Variants in GGA2 observed in about 807,000 individuals in gnomAD.
The protein encoded by GGA2 is ADP-ribosylation factor-binding protein GGA2.
GGA2 carries 48 observed loss-of-function variants against 79.5 expected under a neutral mutation model. That is an observed-to-expected ratio of 0.60 (90% CI 0.48 to 0.77). The LOEUF (loss-of-function observed/expected upper bound fraction) is 0.77, where lower values mean the gene tolerates loss of function less well. Among genes scored for constraint, GGA2 ranks in the 30% least tolerant of loss-of-function variants. The pLI is 0.00. For synonymous variants in GGA2, 317 were observed against 302.0 expected (o/e 1.05, Z -0.51); for missense variants, 770 against 774.0 (o/e 0.99, Z 0.06).
At chr16:23,484,439 C>T (rs1383925868) in intron 8 of GGA2, among the ~76,000 whole-genome samples, 1 of 151,954 alleles carries the variant, frequency 6.6e-6, no homozygotes, top group Non-Finnish European at 1.5e-5. Context: ...CAAAACAAAA[C>T]TCCCGCTTCA....
chr16:23,482,174 G>A (rs966979651), intron 9 of GGA2, among the ~76,000 whole-genome samples: 1 of 152,200 alleles, frequency 6.6e-6, no homozygotes. Flanking sequence ...TGAGGAAGGA[G>A]AATGGCTTGA....
intron 4 of GGA2, among the ~76,000 whole-genome samples, chr16:23,492,019 T>C (rs1465186341): frequency 2.0e-5 from 3 of 152,162 alleles, no homozygotes; most frequent in East Asian, 1.9e-4. Flanking sequence ...AACCCCACCA[T>C]GCAAGAGCCT....
intron 1 of GGA2, among the ~76,000 whole-genome samples, chr16:23,502,660 C>T (rs1170660162): frequency 6.6e-6 from 1 of 152,192 alleles, no homozygotes; most frequent in East Asian, 1.9e-4. Flanking sequence ...AGAGGAGCAG[C>T]GGTTCTCACG....
Position 23,486,155 on chromosome 16 carries a change from T to C in GGA2, c.661-3A>G, listed in dbSNP as rs1338074602. 2 of 1,613,384 alleles carry C rather than the reference T, an allele frequency of 1.2e-6. No homozygotes were observed. The highest frequency in any genetic ancestry group is 1.7e-6 in the Non-Finnish European group (2 of 1,179,668). On this transcript the variant is annotated splice_region_variant and splice_polypyrimidine_tract_variant and intron_variant, in intron 7 of 16. Coordinates refer to ENST00000309859, the MANE Select transcript of GGA2 (RefSeq NM_015044.4). The stretch of plus-strand genomic sequence containing the variant: ...ACCTTCTCCGATTTTTCTTGTTCCT[T>C]TTGGGAAAAAGAGGAGGATGGGAGT...
chr16:23,479,033 G>T, intron 11 of GGA2, 122 bp from the exon 12 acceptor site: 1 of 724,180 alleles, frequency 1.4e-6, no homozygotes. Context: ...GCAACTTACT[G>T]AAGGTCATGT....
intron 5 of GGA2, among the ~76,000 whole-genome samples, chr16:23,489,074 G>A (rs1393702163): frequency 6.6e-6 from 1 of 152,152 alleles, no homozygotes; most frequent in Non-Finnish European, 1.5e-5. Context: ...CTGAGTGTAT[G>A]TGACAGGGAA....
intron 5 of GGA2, among the ~76,000 whole-genome samples, chr16:23,489,390 A>G (rs1210251087): frequency 2.6e-5 from 4 of 152,184 alleles, no homozygotes; most frequent in Non-Finnish European, 5.9e-5. Context: ...GGGCACCACC[A>G]CACCCAGGTA....
intron 1 of GGA2, among the ~76,000 whole-genome samples, chr16:23,497,208 C>G (rs1186742619): frequency 6.6e-6 from 1 of 152,106 alleles, no homozygotes; most frequent in Non-Finnish European, 1.5e-5. Flanking sequence ...TCTGACAGAG[C>G]AGCTCTTTTA....
intron 1 of GGA2, among the ~76,000 whole-genome samples, chr16:23,498,228 T>C (rs2142137267): frequency 6.6e-6 from 1 of 151,060 alleles, no homozygotes; most frequent in Non-Finnish European, 1.5e-5. Flanking sequence ...TGCAGTGAGC[T>C]GAGATCGTGA....
chr16:23,520,379 G>T (rs943696446), intron 1 of GGA2, among the ~76,000 whole-genome samples: 2 of 152,008 alleles, frequency 1.3e-5, no homozygotes, highest in African/African-American at 4.8e-5. Context: ...AGTCACATGT[G>T]AATAAGGGGC....
chr16:23,518,412 C>T (rs1437479457), intron 2 of GGA2, among the ~76,000 whole-genome samples: 1 of 152,046 alleles, frequency 6.6e-6, no homozygotes, highest in Non-Finnish European at 1.5e-5. Context: ...GGGGTTTCAC[C>T]ATGTTGCCCA....
chr16:23,518,739 C>T (rs2142152891), intron 2 of GGA2, among the ~76,000 whole-genome samples: 1 of 152,242 alleles, frequency 6.6e-6, no homozygotes. Flanking sequence ...GCAGTTAGAC[C>T]AGCTGATGAG....
chr16:23,491,438 T>C (rs1402669660), intron 5 of GGA2, among the ~76,000 whole-genome samples: 3 of 151,852 alleles, frequency 2.0e-5, no homozygotes, highest in Non-Finnish European at 4.4e-5. Flanking sequence ...TTCCTATGAT[T>C]TCCAGGCAAC....
At chr16:23,483,767 C>G (rs972418077) in intron 8 of GGA2, among the ~76,000 whole-genome samples, 2 of 151,970 alleles carry the variant, frequency 1.3e-5, no homozygotes, top group Non-Finnish European at 2.9e-5. Flanking sequence ...CCTGCCTCAG[C>G]CTCCTGAGTA....
chr16:23,520,783 T>G (rs1965135774), intron 1 of GGA2, among the ~76,000 whole-genome samples: 1 of 152,106 alleles, frequency 6.6e-6, no homozygotes, highest in African/African-American at 2.4e-5. Context: ...TTTATTAATT[T>G]CGCTTTTTTA....
At chr16:23,512,711 T>C (rs1965080313), upstream of GGA2, among the ~76,000 whole-genome samples, 1 of 134,308 alleles carries the variant, frequency 7.4e-6, no homozygotes, top group South Asian at 2.6e-4. Flanking sequence ...TTTTTTTTTT[T>C]TTTTTTTTTT....
intron 1 of GGA2, among the ~76,000 whole-genome samples, chr16:23,509,823 G>A (rs903726405): frequency 3.3e-5 from 5 of 150,742 alleles, no homozygotes; most frequent in Non-Finnish European, 5.9e-5. Context: ...AAACACAAAA[G>A]GTAAAAAATT....
At chr16:23,490,086 C>T (rs1435640806) in intron 5 of GGA2, among the ~76,000 whole-genome samples, 1 of 152,148 alleles carries the variant, frequency 6.6e-6, no homozygotes, top group Admixed American at 6.5e-5. Flanking sequence ...TCTACTGCTA[C>T]GAGTGGCAAG....
chr16:23,467,323 G>A lies in GGA2; in HGVS notation c.*267C>T. The A allele has an allele frequency of 7.3e-6, 3 of 411,380 alleles. No homozygotes were observed. The highest frequency in any genetic ancestry group is 1.3e-5 in the Non-Finnish European group (3 of 226,358). The allele number at this position is 411,380 out of a possible 1,614,324, so 25.5% of individuals were successfully genotyped here. On this transcript the variant is annotated 3_prime_UTR_variant, in exon 17 of 17. Coordinates refer to ENST00000309859, the MANE Select transcript of GGA2 (RefSeq NM_015044.4). ...TGACTGTAGCAGAGATGATGATGAT[G>A]AGAAATGCTTCGCATTTCCCACACT...
Sources: allele counts gnomAD v4.1 joint callset (sites outside exome capture counted in the v4.1 genomes callset), GRCh38; gene constraint gnomAD v4.1.1; transcripts MANE v1.5; gene names NCBI Gene and HGNC (gene_info 2026-07-23, HGNC 2026-07-21).